The following MARK1 variants were observed in gnomAD, a reference collection of about 807,000 sequenced individuals.
The protein encoded by MARK1 is serine/threonine-protein kinase MARK1.
A neutral mutation model predicts 96.3 loss-of-function variants in MARK1; 40 were observed. The observed-to-expected ratio is 0.42, with a 90% CI of 0.32 to 0.54. The LOEUF (loss-of-function observed/expected upper bound fraction) is 0.54, where lower values mean the gene tolerates loss of function less well. Among genes scored for constraint, MARK1 ranks in the 20% least tolerant of loss-of-function variants. MARK1 has a pLI of 0.16. For missense variants in MARK1, 719 were observed against 984.6 expected (o/e 0.73, Z 3.61); for synonymous variants, 317 against 341.2 (o/e 0.93, Z 0.78).
chr1:220,559,313 G>A (rs144461605), intron 1 of MARK1, among the ~76,000 whole-genome samples: 542 of 152,320 alleles, frequency 3.6e-3, no homozygotes, highest in Non-Finnish European at 5.1e-3. Flanking sequence ...GGTCATCTGT[G>A]TTAAATGCAG....
At chr1:220,585,547 T>C (rs989492467) in intron 3 of MARK1, among the ~76,000 whole-genome samples, 2 of 152,144 alleles carry the variant, frequency 1.3e-5, no homozygotes, top group African/African-American at 4.8e-5. Flanking sequence ...CAATGACATA[T>C]AATTGGGCAT....
chr1:220,623,508 G>C (rs1327533105), intron 9 of MARK1, among the ~76,000 whole-genome samples: 4 of 152,036 alleles, frequency 2.6e-5, no homozygotes, highest in Non-Finnish European at 5.9e-5. Flanking sequence ...ATTCTGCTTT[G>C]AAATACAACT....
intron 1 of MARK1, among the ~76,000 whole-genome samples, chr1:220,531,133 C>T (rs1363251852): frequency 1.3e-5 from 2 of 152,146 alleles, no homozygotes; most frequent in South Asian, 2.1e-4. Context: ...CTGATGGCTA[C>T]GAAATCACCA....
At position 220,618,372 on chromosome 1, in the gene MARK1, T is replaced by A; in HGVS notation, c.615T>A (p.Asn205Lys). 6.2e-7 allele frequency: 1 copy of A among 1,614,200 alleles called. No individual in the cohort carries two copies. The highest frequency in any genetic ancestry group is 8.5e-7 in the Non-Finnish European group (1 of 1,180,026). The part of the protein sequence containing the change: ...NIKIADFGFS[N>K]EFTVGNKLDT... ...AAATTGCTGACTTTGGTTTTAGTAA[T>A]GAATTTACAGTTGGGAACAAATTGG... Residue 205 changes from asparagine to lysine, a missense_variant, in exon 8 of 18, where the codon AAT becomes AAA. By Grantham distance (94) the Asn-to-Lys change is moderately conservative. Around this residue, in one of 4 missense-constraint regions of MARK1, gnomAD observed 96 missense variants for 213.1 expected, o/e 0.45. Coordinates refer to ENST00000366917, the MANE Select transcript of MARK1 (RefSeq NM_018650.5). This position sits in a 1 kb window ranked among gnomAD's most constrained non-coding sequence, Gnocchi z 4.6.
At chr1:220,531,119 A>G (rs1320508024) in intron 1 of MARK1, among the ~76,000 whole-genome samples, 1 of 152,196 alleles carries the variant, frequency 6.6e-6, no homozygotes, top group Non-Finnish European at 1.5e-5. Flanking sequence ...CAAAGAGGCC[A>G]CCACTGATGG....
In MARK1 at chr1:220,627,124, C is replaced by T. The variant is rs567663150; in HGVS notation, c.910-3911C>T. ...CTGTTTGAGAACCTGAGAATGCTGC[C>T]CCACAAACCTGGGTCCAAATGCAGG... On this transcript the variant is annotated intron_variant, in intron 9 of 17. Coordinates refer to ENST00000366917, the MANE Select transcript of MARK1 (RefSeq NM_018650.5). 3.7e-4 allele frequency: 187 copies of T among 506,198 alleles called. 3 individuals carry two copies. Among genetic ancestry groups the T allele is most frequent in the South Asian group, 2.9e-3 (186 of 63,672 alleles). 31.4% of individuals were successfully genotyped at this position (506,198 alleles called of 1,614,324 possible).
intron 1 of MARK1, among the ~76,000 whole-genome samples, chr1:220,554,041 T>G (rs1018195045): frequency 3.3e-5 from 5 of 152,222 alleles, no homozygotes; most frequent in African/African-American, 1.2e-4. Context: ...GTACCCTTTC[T>G]TAAGGGTAGA....
At chr1:220,552,946 A>G (rs4846326) in intron 1 of MARK1, among the ~76,000 whole-genome samples, 87,893 of 151,946 alleles carry the variant, frequency 0.58, 26,888 homozygotes, top group Non-Finnish European at 0.68. Flanking sequence ...GTGAATGTTC[A>G]TCTATGTTGC....
chr1:220,576,421 CAA>C (rs10710315), intron 1 of MARK1, among the ~76,000 whole-genome samples: 11,486 of 138,444 alleles, frequency 0.083, 467 homozygotes, highest in Middle Eastern at 0.16. Flanking sequence ...TTTTATTGGC[CAA>C]AAAAAAAAAA....
chr1:220,529,186 A>G (rs1304362920), intron 1 of MARK1, among the ~76,000 whole-genome samples: 1 of 152,110 alleles, frequency 6.6e-6, no homozygotes, highest in Non-Finnish European at 1.5e-5. Flanking sequence ...GGCAGTCAGG[A>G]TTGCTTTATT....
chr1:220,595,205 GTATA>G (rs1665252665), intron 3 of MARK1, among the ~76,000 whole-genome samples: 1 of 152,144 alleles, frequency 6.6e-6, no homozygotes. Context: ...TCATAGATAT[GTATA>G]TGTATGTATG....
At chr1:220,539,261 G>C (rs1422704510) in intron 1 of MARK1, among the ~76,000 whole-genome samples, 7 of 152,082 alleles carry the variant, frequency 4.6e-5, no homozygotes, top group African/African-American at 1.4e-4. Context: ...CTAATTTATT[G>C]AGAGTTTTTA....
intron 1 of MARK1, among the ~76,000 whole-genome samples, chr1:220,546,898 G>A (rs1661530552): frequency 1.3e-5 from 2 of 151,836 alleles, no homozygotes; most frequent in South Asian, 4.2e-4. Flanking sequence ...CTTGAACCCT[G>A]GAGGTGGAGG....
chr1:220,566,919 A>G (rs1233967148), intron 1 of MARK1, among the ~76,000 whole-genome samples: 2 of 152,102 alleles, frequency 1.3e-5, no homozygotes, highest in South Asian at 2.1e-4. Context: ...GAAACTAACT[A>G]CTTAATAGTC....
At chr1:220,576,002 T>TCC (rs1558269802) in intron 1 of MARK1, among the ~76,000 whole-genome samples, 12 of 38,750 alleles carry the variant, frequency 3.1e-4, no homozygotes, top group Non-Finnish European at 4.8e-4. Context: ...TTTTTTTTCT[T>TCC]CTCTCCCTCC....
chr1:220,608,447 T>C (rs1395483876), intron 6 of MARK1, among the ~76,000 whole-genome samples: 1 of 152,212 alleles, frequency 6.6e-6, no homozygotes, highest in African/African-American at 2.4e-5. Context: ...TTCTCTCTTT[T>C]CTTCTTTATT....
intron 3 of MARK1, among the ~76,000 whole-genome samples, chr1:220,595,504 A>C (rs970418723): frequency 2.6e-5 from 4 of 152,186 alleles, no homozygotes; most frequent in African/African-American, 9.7e-5. Flanking sequence ...TTGGAGCTCA[A>C]AGGGGCCATT....
intron 16 of MARK1, among the ~76,000 whole-genome samples, chr1:220,655,832 G>C (rs1402514358): frequency 2.0e-5 from 3 of 152,132 alleles, no homozygotes; most frequent in Admixed American, 6.5e-5. Context: ...ACTGTGGCCT[G>C]TGGGGCCTTG....
intron 1 of MARK1, among the ~76,000 whole-genome samples, chr1:220,539,774 G>GT (rs1048979982): frequency 5.1e-4 from 75 of 146,290 alleles, no homozygotes; most frequent in Admixed American, 5.5e-4. Flanking sequence ...GAATTGCTAG[G>GT]TTTTTTTTTT....
Sources: allele counts gnomAD v4.1 joint callset (sites outside exome capture counted in the v4.1 genomes callset), GRCh38; gene constraint gnomAD v4.1.1; regional missense constraint gnomAD v4.1.1; non-coding constraint Gnocchi (gnomAD v3.1); transcripts MANE v1.5; gene names NCBI Gene and HGNC (gene_info 2026-07-23, HGNC 2026-07-21).